Variants in SDK1 observed in about 807,000 individuals in gnomAD.
SDK1 encodes the protein sidekick cell adhesion molecule 1.
Under a neutral mutation model 245.5 loss-of-function variants are expected in SDK1, and 157 were observed. That is an observed-to-expected ratio of 0.64 (90% CI 0.56 to 0.73). The LOEUF (loss-of-function observed/expected upper bound fraction) is 0.73, where lower values mean the gene tolerates loss of function less well. Among genes scored for constraint, SDK1 ranks in the 30% least tolerant of loss-of-function variants. The pLI, the probability that SDK1 is intolerant of heterozygous loss-of-function variation, is 0.00. For synonymous variants in SDK1, 1,647 were observed against 1,278.5 expected (o/e 1.29, Z -6.15); for missense variants, 3,583 against 3,002.3 (o/e 1.19, Z -4.52).
chr7:4,268,270 G>A lies in SDK1; in HGVS notation c.*2886G>A. On this transcript the variant is annotated 3_prime_UTR_variant, in exon 45 of 45. Transcript: ENST00000404826. ...CAGGAGGCTCCGTCTGAGCCACAGG[G>A]ATGGGTGTGCAGAGCTCCCTCCTCC... 9.9e-7 allele frequency: 1 copy of A among 1,005,476 alleles called. No homozygotes were observed. Among genetic ancestry groups the A allele is most frequent in the Non-Finnish European group, 1.2e-6 (1 of 841,914 alleles). 62.3% of individuals were successfully genotyped at this position (1,005,476 alleles called of 1,614,324 possible). A position where few individuals can be genotyped will look rare whatever the true frequency, so the allele number is the denominator to read the frequency against.
At chr7:4,102,918 TATC>T (rs1156705000) in intron 22 of SDK1, among the ~76,000 whole-genome samples, 3 of 132,842 alleles carry the variant, frequency 2.3e-5, no homozygotes, top group Admixed American at 8.4e-5. Context: ...TTGTCCGAAA[TATC>T]ATAAAGTACT....
intron 1 of SDK1, among the ~76,000 whole-genome samples, chr7:3,582,210 T>C (rs1392033544): frequency 5.5e-5 from 8 of 145,148 alleles, no homozygotes; most frequent in East Asian, 2.0e-4. Context: ...CTCAGGTAGG[T>C]CTCCCTCAGG....
In SDK1 at chr7:3,784,537, A is replaced by G. The variant is rs146644915; in HGVS notation, c.714-36913A>G. On this transcript the variant is annotated intron_variant, in intron 4 of 44. Transcript: ENST00000404826. ...AAAGAATACAAAAAATTCTAATTAAAAAAATGGACAAGGGACTGGAATAGA... is the reference window on the plus strand; with the variant it reads ...AAAGAATACAAAAAATTCTAATTAAGAAAATGGACAAGGGACTGGAATAGA... Among the ~76,000 whole-genome samples the G allele has an allele frequency of 6.1e-4, 93 of 152,282 alleles. No homozygotes were observed. In the East Asian group the frequency reaches 0.016, roughly 26 times the overall value.
intron 5 of SDK1, among the ~76,000 whole-genome samples, chr7:3,947,889 G>C (rs973412200): frequency 6.6e-6 from 1 of 152,014 alleles, no homozygotes; most frequent in Admixed American, 6.6e-5. Flanking sequence ...TCAAAACTAA[G>C]ATAAAACACT....
intron 1 of SDK1, among the ~76,000 whole-genome samples, chr7:3,540,408 A>G (rs1189066457): frequency 6.6e-6 from 1 of 152,202 alleles, no homozygotes; most frequent in African/African-American, 2.4e-5. Context: ...CTTCATCTCA[A>G]AAACAAAAAA....
intron 4 of SDK1, among the ~76,000 whole-genome samples, chr7:3,695,941 A>G (rs908156579): frequency 1.3e-5 from 2 of 152,114 alleles, no homozygotes; most frequent in African/African-American, 4.8e-5. Context: ...GTTTTGCAGC[A>G]TTTGGAGTTG....
At chr7:3,778,954 C>G (rs149131140) in intron 4 of SDK1, among the ~76,000 whole-genome samples, 1 of 152,140 alleles carries the variant, frequency 6.6e-6, no homozygotes, top group African/African-American at 2.4e-5. Flanking sequence ...GGTTTAACAT[C>G]CTTGACACTT....
Position 3,619,062 on chromosome 7 carries a change from T to G in SDK1, c.299-18T>G. On this transcript the variant is annotated intron_variant, in intron 1 of 44. Transcript: ENST00000404826. ...TGCGTACTTCAGTTTTGTTTTGTTT[T>G]GTTTTTTAATATTTCAGATGATGTT... The G allele has an allele frequency of 3.9e-6, 6 of 1,541,454 alleles. No homozygotes were observed. In the South Asian group the frequency reaches 7.1e-5, roughly 18 times the overall value.
intron 5 of SDK1, among the ~76,000 whole-genome samples, chr7:3,834,066 G>C (rs982490167): frequency 5.9e-5 from 9 of 152,142 alleles, no homozygotes; most frequent in African/African-American, 1.7e-4. Flanking sequence ...GAAACAGCTG[G>C]CATACTGGCA....
intron 1 of SDK1, among the ~76,000 whole-genome samples, chr7:3,384,199 A>C (rs931504921): frequency 2.6e-5 from 4 of 152,010 alleles, no homozygotes; most frequent in Admixed American, 1.3e-4. Context: ...TTAAATGCCA[A>C]CTTTATTATG....
At position 4,190,624 on chromosome 7, in the gene SDK1, A is replaced by G. The variant is rs1008404552; in HGVS notation, c.5098+12038A>G. On this transcript the variant is annotated intron_variant, in intron 35 of 44. Transcript: ENST00000404826. ...TGCCTCCGCCGTGGGGGATTCTCCA[A>G]TGCGCTGCACCCGGCCCACAGCAGG... Among the ~76,000 whole-genome samples the G allele has an allele frequency of 9.8e-5, 15 of 152,348 alleles. No homozygotes were observed. The East Asian group carries it at 1.9e-3, about 20-fold the overall frequency.
chr7:3,708,011 A>T (rs1765371525), intron 4 of SDK1, among the ~76,000 whole-genome samples: 1 of 152,136 alleles, frequency 6.6e-6, no homozygotes, highest in African/African-American at 2.4e-5. Context: ...TTTTTTAAAA[A>T]GAGGTTTAGA....
chr7:3,606,261 C>G (rs1360898086), intron 1 of SDK1, among the ~76,000 whole-genome samples: 1 of 152,176 alleles, frequency 6.6e-6, no homozygotes, highest in East Asian at 1.9e-4. Flanking sequence ...GGCCCCAGGT[C>G]TGATCAACCA....
intron 30 of SDK1, among the ~76,000 whole-genome samples, chr7:4,154,220 G>T (rs947626770): frequency 3.3e-5 from 5 of 152,200 alleles, no homozygotes; most frequent in Non-Finnish European, 5.9e-5. Context: ...GGTCAAGTTT[G>T]TGTATGTGAT....
chr7:3,830,918 A>T (rs1001132775), intron 5 of SDK1, among the ~76,000 whole-genome samples: 1 of 152,248 alleles, frequency 6.6e-6, no homozygotes, highest in East Asian at 1.9e-4. Context: ...ATGTAAACAT[A>T]ACATTTCAGA....
chr7:3,453,364 C>A (rs906789558), intron 1 of SDK1, among the ~76,000 whole-genome samples: 1 of 152,188 alleles, frequency 6.6e-6, no homozygotes, highest in Non-Finnish European at 1.5e-5. Flanking sequence ...CATTTGGTAT[C>A]CACATCAAAT....
chr7:4,205,913 C>A lies in SDK1; in HGVS notation c.5133C>A (p.Thr1711=). The change falls in exon 36 of 45, where the codon ACC becomes ACA. Residue 1711 remains threonine (T), a synonymous_variant. Coordinates refer to ENST00000404826, the MANE Select transcript of SDK1 (RefSeq NM_152744.4). ...TGGCCCCGCAGAACGTGCAGGTGAC[C>A]CCACTCACGGCCAGCCAGCTGGAGG... The part of the protein sequence containing the change: ...PAMAPQNVQV[T]PLTASQLEVT... 6.4e-7 allele frequency: 1 copy of A among 1,558,774 alleles called. No homozygotes were observed. The highest frequency in any genetic ancestry group is 2.4e-5 in the East Asian group (1 of 41,446).
chr7:3,343,771 G>A (rs1338553599), intron 1 of SDK1, among the ~76,000 whole-genome samples: 1 of 152,052 alleles, frequency 6.6e-6, no homozygotes, highest in Non-Finnish European at 1.5e-5. Flanking sequence ...ATTGGAAAGT[G>A]CCTTAAAATA....
At chr7:3,556,104 G>A (rs1031377652) in intron 1 of SDK1, among the ~76,000 whole-genome samples, 5 of 152,114 alleles carry the variant, frequency 3.3e-5, no homozygotes, top group African/African-American at 9.7e-5. Flanking sequence ...TACCGAAGAG[G>A]TATCTGTACT....
Sources: gnomAD v4.1 joint callset for allele counts (sites outside exome capture counted in the v4.1 genomes callset) on GRCh38, gnomAD v4.1.1 for gene constraint, MANE v1.5 for transcripts, NCBI Gene and HGNC (gene_info 2026-07-23, HGNC 2026-07-21) for gene names.